The following USP2 variants were observed in gnomAD, a reference collection of about 807,000 sequenced individuals.
USP2 encodes ubiquitin carboxyl-terminal hydrolase 2.
A neutral mutation model predicts 72.0 loss-of-function variants in USP2; 33 were observed. The observed-to-expected ratio is 0.46, with a 90% CI of 0.35 to 0.61. The LOEUF is 0.61. USP2 is among the 20% of genes least tolerant of loss of function. USP2 has a pLI of 0.01. For synonymous variants in USP2, 296 were observed against 312.5 expected (o/e 0.95, Z 0.56); for missense variants, 691 against 797.8 (o/e 0.87, Z 1.61).
At chr11:119,361,726 C>G (rs1214244123) in intron 2 of USP2, among the ~76,000 whole-genome samples, 1 of 152,088 alleles carries the variant, frequency 6.6e-6, no homozygotes, top group African/African-American at 2.4e-5. Flanking sequence ...AGGGCTAGCA[C>G]TAACAGGTAG....
intron 1 of USP2, among the ~76,000 whole-genome samples, chr11:119,377,052 T>C (rs1951011133): frequency 6.6e-6 from 1 of 152,224 alleles, no homozygotes; most frequent in East Asian, 1.9e-4. Context: ...ATATGGAAAC[T>C]TTCAAATGAA....
intron 1 of USP2, chr11:119,378,910 A>G (rs978166441): frequency 9.7e-6 from 9 of 924,304 alleles, no homozygotes; most frequent in South Asian, 5.0e-5. Flanking sequence ...ACCGGGCCCA[A>G]TGGGGTGGCC....
intron 1 of USP2, among the ~76,000 whole-genome samples, chr11:119,375,893 G>T (rs573494969): frequency 1.4e-4 from 22 of 152,318 alleles, no homozygotes; most frequent in South Asian, 1.0e-3. Flanking sequence ...GCTCTGAAAG[G>T]CTTTGGAGCC....
chr11:119,358,055 A>G lies in USP2; in HGVS notation c.1348T>C (p.Tyr450His), dbSNP rs1950698886. Residue 450 changes from tyrosine (Y) to histidine (H), a missense_variant, in exon 9 of 13, where the codon TAT (tyrosine) becomes CAT (histidine). Tyr to His is a moderately conservative substitution (Grantham distance 83). Coordinates refer to ENST00000260187, the MANE Select transcript of USP2 (RefSeq NM_004205.5). ...DLSLPIAKRG[Y>H]PEVTLMDCMR... ...CAGTCCATTAATGTCACCTCAGGAT[A>G]ACCTCGCTGGGAAGGGGAAAAAAGC... is the stretch of plus-strand genomic sequence containing the variant. The G allele has an allele frequency of 6.2e-7, 1 of 1,614,202 alleles. No homozygotes were observed. The highest frequency in any genetic ancestry group is 1.3e-5 in the African/African-American group (1 of 75,050).
chr11:119,360,048 C>G, intron 3 of USP2, 136 bp downstream of exon 3: 1 of 1,112,498 alleles, frequency 9.0e-7, no homozygotes, highest in Non-Finnish European at 1.3e-6. Context: ...TGTGAAACAC[C>G]AGCCAGGAAG....
Position 119,380,542 on chromosome 11 carries a change from T to C in USP2, c.-42+931A>G, listed in dbSNP as rs147498305. Among the ~76,000 whole-genome samples, 60 of 152,128 alleles carry C rather than the reference T, an allele frequency of 3.9e-4. No individual in the cohort carries two copies. The East Asian group carries it at 0.011, about 29-fold the overall frequency. ...ACGGGGTTCTTAGCCTCTCTGGCCTTGGTGCACTTGTCTGCTCCCAGGACG... is the reference window on the plus strand; with the variant it reads ...ACGGGGTTCTTAGCCTCTCTGGCCTCGGTGCACTTGTCTGCTCCCAGGACG... On this transcript the variant is annotated intron_variant, in intron 1 of 12. Transcript: ENST00000260187.
intron 2 of USP2, among the ~76,000 whole-genome samples, chr11:119,366,545 T>C (rs1315078568): frequency 6.6e-6 from 1 of 152,240 alleles, no homozygotes; most frequent in Non-Finnish European, 1.5e-5. Context: ...AATGGTCTTG[T>C]GTGTGGCTTG....
Position 119,361,906 on chromosome 11 carries a change from C to T in USP2, c.775-1672G>A, listed in dbSNP as rs555701931. ...ACTTACTGACAGTCAGCAAGAGGGCCGCAACAGAGATAATTCCCTGGGACA... is the reference window on the plus strand; with the variant it reads ...ACTTACTGACAGTCAGCAAGAGGGCTGCAACAGAGATAATTCCCTGGGACA... On this transcript the variant is annotated intron_variant, in intron 2 of 12. Coordinates refer to ENST00000260187, the MANE Select transcript of USP2 (RefSeq NM_004205.5). 8.5e-5 allele frequency among the ~76,000 whole-genome samples: 13 copies of T among 152,234 alleles called. No homozygotes were observed. In the South Asian group the frequency reaches 1.5e-3, roughly 17 times the overall value.
chr11:119,368,050 G>C (rs1950878478), intron 2 of USP2, among the ~76,000 whole-genome samples: 1 of 152,214 alleles, frequency 6.6e-6, no homozygotes, highest in African/African-American at 2.4e-5. Context: ...AAGGCTAACG[G>C]CCAGGATACA....
chr11:119,368,914 G>T (rs1950890058), intron 2 of USP2, among the ~76,000 whole-genome samples: 1 of 152,242 alleles, frequency 6.6e-6, no homozygotes, highest in South Asian at 2.1e-4. Flanking sequence ...GGGTGGAGCT[G>T]AGGGGGATTA....
At position 119,381,556 on chromosome 11, in the gene USP2, C is replaced by T. The variant is rs1213951405; in HGVS notation, c.-125G>A. 3 of 1,535,738 alleles carry T rather than the reference C, an allele frequency of 2.0e-6. No individual in the cohort carries two copies. On this transcript the variant is annotated 5_prime_UTR_variant, in exon 1 of 13. Transcript: ENST00000260187. ...AGTCCCGGCTGGCGCTGGCGCGGCG[C>T]AGTGAGCACCAGCTGACGAAGAGGG...
Position 119,379,917 on chromosome 11 carries a change from C to CTTTTT in USP2, c.-42+1551_-42+1555dup, listed in dbSNP as rs397816714. Among the ~76,000 whole-genome samples the CTTTTT allele has an allele frequency of 7.9e-3, 918 of 116,416 alleles. 23 individuals are homozygous for CTTTTT. Among genetic ancestry groups the CTTTTT allele is most frequent in the Non-Finnish European group, 9.1e-3 (547 of 60,156 alleles). The allele number at this position is 116,416 out of a possible 152,430, so 76.4% of individuals were successfully genotyped here. ...TACTCCTGGGGAAGTGTTCCTTTCT[C>CTTTTT]TTTTTTTTTTTTTTTTTTTGAGACG... On this transcript the variant is annotated intron_variant, in intron 1 of 12. Coordinates refer to ENST00000260187, the MANE Select transcript of USP2 (RefSeq NM_004205.5).
chr11:119,377,543 G>A (rs1416200987), intron 1 of USP2, among the ~76,000 whole-genome samples: 1 of 152,200 alleles, frequency 6.6e-6, no homozygotes, highest in African/African-American at 2.4e-5. Context: ...GATGGTCCAG[G>A]AAGCCTCCAT....
intron 2 of USP2, 89 bp from the exon 3 acceptor site, chr11:119,360,323 G>A (rs779358506): frequency 7.6e-7 from 1 of 1,317,762 alleles, no homozygotes; most frequent in Non-Finnish European, 1.1e-6. Context: ...ACCAGCTGGA[G>A]CCACAGGCAG....
At chr11:119,373,668 C>T in intron 1 of USP2, 147 bp from the exon 2 acceptor site, 2 of 764,134 alleles carry the variant, frequency 2.6e-6, no homozygotes, top group South Asian at 3.9e-5. Context: ...AGCACACATG[C>T]ACGCAGGTGT....
At chr11:119,364,120 G>T in intron 2 of USP2, 1 of 1,223,750 alleles carries the variant, frequency 8.2e-7, no homozygotes, top group Non-Finnish European at 1.0e-6. Context: ...GACAGCGTCC[G>T]CGGCGCCCGA....
At position 119,373,283 on chromosome 11, in the gene USP2, A is replaced by G. The variant is rs760775583; in HGVS notation, c.198T>C (p.Tyr66=). 2.8e-5 allele frequency: 45 copies of G among 1,613,804 alleles called. No individual in the cohort carries two copies. The highest frequency in any genetic ancestry group is 3.3e-4 in the Middle Eastern group (2 of 6,082). The change falls in exon 2 of 13, where the codon TAT becomes TAC. Residue 66 remains tyrosine (Y), a synonymous_variant. Transcript: ENST00000260187. ...TSSFLTRPRT[Y]GPSSLLDYDR... Reference sequence around the variant, plus strand: ...CATAGTCCAGGAGGGAGGAGGGGCCATAGGTACGGGGACGGGTGAGGAAGC... The same window carrying G: ...CATAGTCCAGGAGGGAGGAGGGGCCGTAGGTACGGGGACGGGTGAGGAAGC...
rs752201967 is a variant in USP2, at chr11:119,373,248, C to T, written c.233G>A (p.Arg78His). 2.3e-5 allele frequency: 37 copies of T among 1,613,712 alleles called. No individual in the cohort carries two copies. Among genetic ancestry groups the T allele is most frequent in the Middle Eastern group, 3.3e-4 (2 of 6,078 alleles). The change falls in exon 2 of 13, where the codon CGC becomes CAC. Residue 78 changes from arginine to histidine, a missense_variant. By Grantham distance (29) the Arg-to-His change is conservative (BLOSUM62 0). Coordinates refer to ENST00000260187, the MANE Select transcript of USP2 (RefSeq NM_004205.5). ...AGTGATGTCGGGTCTCAGCAGGGGG[C>T]GGCCCCGGTCATAGTCCAGGAGGGA... is the stretch of plus-strand genomic sequence containing the variant. ...PSSLLDYDRG[R>H]PLLRPDITGG...
At chr11:119,364,448 G>C (rs1215108850) in intron 2 of USP2, among the ~76,000 whole-genome samples, 2 of 152,118 alleles carry the variant, frequency 1.3e-5, no homozygotes, top group Admixed American at 6.5e-5. Flanking sequence ...GGCCCTGGCC[G>C]GCCTCGGGGT....
Sources: allele counts gnomAD v4.1 joint callset (sites outside exome capture counted in the v4.1 genomes callset), GRCh38; gene constraint gnomAD v4.1.1; transcripts MANE v1.5; gene names NCBI Gene and HGNC (gene_info 2026-07-23, HGNC 2026-07-21).